MSRA: variants seen among roughly 807,000 people sequenced by gnomAD.
MSRA encodes the protein mitochondrial peptide methionine sulfoxide reductase.
A neutral mutation model predicts 31.3 loss-of-function variants in MSRA; 54 were observed. That is an observed-to-expected ratio of 1.73 (90% CI 1.39 to 2.17). The LOEUF (loss-of-function observed/expected upper bound fraction) is 2.17, where lower values mean the gene tolerates loss of function less well. MSRA is among the 30% of genes most tolerant of loss of function. The pLI is 0.00. For missense variants in MSRA, 507 were observed against 300.9 expected, an observed-to-expected ratio of 1.69 and a Z score of -5.07; for synonymous variants, 169 against 116.5, an observed-to-expected ratio of 1.45 and a Z score of -2.90.
intron 1 of MSRA, among the ~76,000 whole-genome samples, chr8:10,099,602 G>C (rs953527282): frequency 3.9e-5 from 6 of 152,226 alleles, no homozygotes; most frequent in African/African-American, 1.2e-4. Context: ...GTATTAGCTT[G>C]TTGAGTCTTA....
At chr8:10,090,112 A>T (rs934127068) in intron 1 of MSRA, among the ~76,000 whole-genome samples, 21 of 152,200 alleles carry the variant, frequency 1.4e-4, no homozygotes, top group African/African-American at 5.1e-4. Flanking sequence ...GTGCACATGG[A>T]GAGCAAAATG....
intron 2 of MSRA, among the ~76,000 whole-genome samples, chr8:10,230,413 C>T (rs765684819): frequency 2.0e-5 from 3 of 152,044 alleles, no homozygotes; most frequent in Non-Finnish European, 2.9e-5. Context: ...GGAGGGTGGC[C>T]ATAGGACAAA....
At chr8:10,090,989 G>T (rs1798822628) in intron 1 of MSRA, among the ~76,000 whole-genome samples, 1 of 152,170 alleles carries the variant, frequency 6.6e-6, no homozygotes, top group East Asian at 1.9e-4. Flanking sequence ...GATTCTGTGG[G>T]CATTTATGTG....
At chr8:10,412,765 G>T in intron 5 of MSRA, among the ~76,000 whole-genome samples, 1 of 152,214 alleles carries the variant, frequency 6.6e-6, no homozygotes, top group East Asian at 1.9e-4. Context: ...CAGCCACGTT[G>T]TGATGCTACT....
chr8:10,088,420 G>A (rs1218622582), intron 1 of MSRA, among the ~76,000 whole-genome samples: 1 of 152,166 alleles, frequency 6.6e-6, no homozygotes, highest in Non-Finnish European at 1.5e-5. Flanking sequence ...TAGCTAAGAT[G>A]TGGAAACTAA....
chr8:10,270,894 G>T (rs1798999630), intron 3 of MSRA, among the ~76,000 whole-genome samples: 2 of 152,170 alleles, frequency 1.3e-5, no homozygotes, highest in Admixed American at 1.3e-4. Context: ...CACAATGGGA[G>T]CCAGGCGCCT....
intron 5 of MSRA, among the ~76,000 whole-genome samples, chr8:10,322,996 A>G (rs575770490): frequency 6.6e-6 from 1 of 150,966 alleles, no homozygotes; most frequent in Non-Finnish European, 1.5e-5. Flanking sequence ...AGGCTGAGGC[A>G]GGAGAAATGC....
At chr8:10,200,075 G>C (rs1296190177) in intron 1 of MSRA, among the ~76,000 whole-genome samples, 1 of 150,088 alleles carries the variant, frequency 6.7e-6, no homozygotes, top group South Asian at 2.1e-4. Context: ...AGAGCTGGGA[G>C]GTATGGGGGT....
chr8:10,371,252 C>T (rs1162549674), intron 5 of MSRA, among the ~76,000 whole-genome samples: 2 of 152,106 alleles, frequency 1.3e-5, no homozygotes, highest in Admixed American at 6.5e-5. Flanking sequence ...TGAGCCATCC[C>T]GGCCTCTAGA....
At chr8:10,222,186 C>G (rs914402515) in intron 2 of MSRA, among the ~76,000 whole-genome samples, 2 of 151,702 alleles carry the variant, frequency 1.3e-5, no homozygotes, top group Admixed American at 6.6e-5. Context: ...CCTCCTAGTT[C>G]AATACTTTTG....
chr8:10,299,344 A>G (rs180867093), intron 3 of MSRA, among the ~76,000 whole-genome samples: 9 of 152,258 alleles, frequency 5.9e-5, no homozygotes, highest in Non-Finnish European at 7.4e-5. Flanking sequence ...ATGCTTATGT[A>G]GTTGAATCAC....
chr8:10,152,567 G>A (rs771745696), intron 1 of MSRA, among the ~76,000 whole-genome samples: 1 of 152,162 alleles, frequency 6.6e-6, no homozygotes, highest in African/African-American at 2.4e-5. Context: ...GTGGATTGGG[G>A]AATCAGTGAA....
At chr8:10,194,193 C>T (rs550383673) in intron 1 of MSRA, among the ~76,000 whole-genome samples, 3 of 152,310 alleles carry the variant, frequency 2.0e-5, no homozygotes, top group Admixed American at 6.5e-5. Flanking sequence ...CCCACAAATA[C>T]TTCATTTTTG....
At chr8:10,114,985 TA>T (rs1800574055) in intron 1 of MSRA, among the ~76,000 whole-genome samples, 1 of 152,214 alleles carries the variant, frequency 6.6e-6, no homozygotes, top group East Asian at 1.9e-4. Context: ...TACCAGATAT[TA>T]AAACATACTA....
At chr8:10,380,183 C>T (rs574891713) in intron 5 of MSRA, among the ~76,000 whole-genome samples, 25 of 152,240 alleles carry the variant, frequency 1.6e-4, no homozygotes, top group African/African-American at 4.8e-4. Flanking sequence ...TTTTTTGTTT[C>T]GTCTGCCTTT....
intron 2 of MSRA, among the ~76,000 whole-genome samples, chr8:10,241,850 A>G (rs1336939350): frequency 1.3e-5 from 2 of 152,194 alleles, no homozygotes; most frequent in Non-Finnish European, 2.9e-5. Context: ...CGGTTGTGTG[A>G]ATTGAATTGC....
chr8:10,364,215 G>A (rs957159300), intron 5 of MSRA, among the ~76,000 whole-genome samples: 8 of 152,164 alleles, frequency 5.3e-5, no homozygotes, highest in East Asian at 1.9e-4. Context: ...GTCCCTGCCC[G>A]TATGAGTTAT....
chr8:10,325,103 A>G (rs1171879319), intron 5 of MSRA, among the ~76,000 whole-genome samples: 3 of 152,172 alleles, frequency 2.0e-5, no homozygotes, highest in African/African-American at 7.2e-5. Flanking sequence ...GTGATGCATT[A>G]GTGTCCTCTG....
At chr8:10,262,461 C>A (rs1798532594) in intron 3 of MSRA, among the ~76,000 whole-genome samples, 1 of 152,052 alleles carries the variant, frequency 6.6e-6, no homozygotes, top group African/African-American at 2.4e-5. Flanking sequence ...ATTTGCAATT[C>A]TTTAATGACA....
Sources: allele counts gnomAD v4.1 joint callset (sites outside exome capture counted in the v4.1 genomes callset), GRCh38; gene constraint gnomAD v4.1.1; transcripts MANE v1.5; gene names NCBI Gene and HGNC (gene_info 2026-07-23, HGNC 2026-07-21).